Variants in LRGUK observed in about 807,000 individuals in gnomAD.
The protein encoded by LRGUK is leucine-rich repeat and guanylate kinase domain-containing protein.
A neutral mutation model predicts 76.0 loss-of-function variants in LRGUK; 65 were observed. The observed-to-expected ratio is 0.85, with a 90% confidence interval of 0.70 to 1.05. LRGUK has a LOEUF of 1.05. Ranked by LOEUF, LRGUK falls within the 50% of genes least tolerant of loss-of-function variation. The pLI is 0.00. For missense variants in LRGUK, 758 were observed against 732.8 expected (o/e 1.03, Z -0.40); for synonymous variants, 268 against 265.6 (o/e 1.01, Z -0.09).
chr7:134,193,558 T>A (rs1441057494), intron 12 of LRGUK, among the ~76,000 whole-genome samples: 2 of 152,190 alleles, frequency 1.3e-5, no homozygotes, highest in Non-Finnish European at 2.9e-5. Flanking sequence ...ACAGAAATCC[T>A]CCTGTGTTTG....
chr7:134,128,775 C>T (rs1289469723), intron 1 of LRGUK, among the ~76,000 whole-genome samples: 2 of 152,296 alleles, frequency 1.3e-5, no homozygotes, highest in South Asian at 2.1e-4. Context: ...GGTCTTCGAT[C>T]TCCTGACCTC....
At chr7:134,265,423 G>T (rs146751526), downstream of LRGUK, among the ~76,000 whole-genome samples, 16 of 152,206 alleles carry the variant, frequency 1.1e-4, no homozygotes, top group African/African-American at 3.9e-4. Context: ...TGAATCCTCT[G>T]AGTTTGGTTT....
chr7:134,174,248 T>C (rs1799388426), intron 7 of LRGUK, among the ~76,000 whole-genome samples: 1 of 152,158 alleles, frequency 6.6e-6, no homozygotes, highest in Non-Finnish European at 1.5e-5. Context: ...ATTTTTGTAC[T>C]GTTTTTCTGA....
intron 7 of LRGUK, among the ~76,000 whole-genome samples, 164 bp from the exon 8 acceptor site, chr7:134,174,392 T>C (rs1799395366): frequency 6.6e-6 from 1 of 152,174 alleles, no homozygotes; most frequent in African/African-American, 2.4e-5. Context: ...ATGCAATAAT[T>C]CCCTTGTTCT....
At chr7:134,160,362 C>T (rs1798671881) in intron 6 of LRGUK, among the ~76,000 whole-genome samples, 1 of 152,160 alleles carries the variant, frequency 6.6e-6, no homozygotes. Context: ...CTGCCCTCAT[C>T]ACCCAAGATC....
chr7:134,209,423 G>A (rs1801149951), exon 16 of LRGUK: 4 of 399,178 alleles, frequency 1.0e-5, no homozygotes, highest in Non-Finnish European at 1.8e-5. Flanking sequence ...CAAACCGGAA[G>A]CCATCCGAGT....
chr7:134,263,201 C>G (rs1169167492), intron 19 of LRGUK, among the ~76,000 whole-genome samples: 5 of 152,084 alleles, frequency 3.3e-5, no homozygotes, highest in Admixed American at 3.3e-4. Context: ...CTTTCTCAAT[C>G]CCTGCTACTC....
intron 11 of LRGUK, among the ~76,000 whole-genome samples, chr7:134,190,697 T>C (rs1390495514): frequency 3.3e-5 from 5 of 152,066 alleles, no homozygotes; most frequent in African/African-American, 1.2e-4. Flanking sequence ...TAAAATGGAG[T>C]TCTTAGCAGC....
chr7:134,235,178 G>T (rs1207112878), intron 16 of LRGUK, among the ~76,000 whole-genome samples: 1 of 152,168 alleles, frequency 6.6e-6, no homozygotes, highest in Non-Finnish European at 1.5e-5. Context: ...ACCTGCAATT[G>T]CTTCCATGTT....
chr7:134,258,714 G>A (rs947345154), intron 19 of LRGUK, among the ~76,000 whole-genome samples: 9 of 151,562 alleles, frequency 5.9e-5, no homozygotes, highest in East Asian at 1.9e-4. Context: ...AAAGGTATGC[G>A]TTGTTTTACA....
chr7:134,235,047 C>T (rs112198706), intron 16 of LRGUK, among the ~76,000 whole-genome samples: 11 of 152,334 alleles, frequency 7.2e-5, no homozygotes, highest in African/African-American at 2.6e-4. Flanking sequence ...TAGATCACGG[C>T]AGCCACCTCT....
At chr7:134,155,483 C>T (rs1291675390) in intron 5 of LRGUK, among the ~76,000 whole-genome samples, 1 of 152,152 alleles carries the variant, frequency 6.6e-6, no homozygotes, top group Non-Finnish European at 1.5e-5. Flanking sequence ...AAACTGAAAC[C>T]ATTGAGGAAA....
At chr7:134,163,072 T>A (rs145915730) in intron 6 of LRGUK, among the ~76,000 whole-genome samples, 164 of 152,370 alleles carry the variant, frequency 1.1e-3, no homozygotes, top group African/African-American at 3.7e-3. Context: ...TCTGGAGTTA[T>A]GCTGTCATTA....
chr7:134,169,076 T>C (rs1799123346), intron 7 of LRGUK, among the ~76,000 whole-genome samples: 3 of 151,534 alleles, frequency 2.0e-5, no homozygotes, highest in African/African-American at 7.3e-5. Context: ...GAGAAGAACA[T>C]CTTGGATGTA....
intron 15 of LRGUK, among the ~76,000 whole-genome samples, chr7:134,204,405 A>C (rs1005820404): frequency 1.3e-5 from 2 of 152,178 alleles, no homozygotes; most frequent in Non-Finnish European, 2.9e-5. Context: ...AATTTGTAAA[A>C]ATGTTTTAGC....
At chr7:134,136,698 G>C (rs1279210470) in intron 1 of LRGUK, among the ~76,000 whole-genome samples, 2 of 152,140 alleles carry the variant, frequency 1.3e-5, no homozygotes, top group Non-Finnish European at 2.9e-5. Context: ...TTAGTACAGT[G>C]TCTGGAATAG....
At chr7:134,188,916 A>G (rs1235553691) in intron 11 of LRGUK, among the ~76,000 whole-genome samples, 2 of 152,214 alleles carry the variant, frequency 1.3e-5, no homozygotes, top group Non-Finnish European at 2.9e-5. Flanking sequence ...ACAGAAAAAA[A>G]AATACTACTT....
chr7:134,159,757 C>G (rs185805348), intron 6 of LRGUK, among the ~76,000 whole-genome samples: 1 of 152,274 alleles, frequency 6.6e-6, no homozygotes, highest in East Asian at 1.9e-4. Context: ...CCACTGAACT[C>G]CAGTCTGGGT....
chr7:134,174,304 A>G (rs1323983297), intron 7 of LRGUK, among the ~76,000 whole-genome samples: 1 of 152,142 alleles, frequency 6.6e-6, no homozygotes, highest in Non-Finnish European at 1.5e-5. Flanking sequence ...CATGGATAAG[A>G]GGAGGAAACT....
Sources: gnomAD v4.1 joint callset for allele counts (sites outside exome capture counted in the v4.1 genomes callset) on GRCh38, gnomAD v4.1.1 for gene constraint, MANE v1.5 for transcripts, NCBI Gene and HGNC (gene_info 2026-07-23, HGNC 2026-07-21) for gene names.